KIF27: variants seen among roughly 807,000 people sequenced by gnomAD.
KIF27 encodes the protein kinesin-like protein KIF27.
Under a neutral mutation model 141.8 loss-of-function variants are expected in KIF27, and 84 were observed. The ratio of observed to expected loss-of-function variants is 0.59; its 90% CI spans 0.50 to 0.71. KIF27 has a LOEUF of 0.71. KIF27 is among the 30% of genes least tolerant of loss of function. KIF27 has a pLI of 0.00. For missense variants in KIF27, 1,306 were observed against 1,628.4 expected (o/e 0.80, Z 3.41); for synonymous variants, 471 against 569.5 (o/e 0.83, Z 2.46).
chr9:83,894,303 A>G (rs1201216150), intron 5 of KIF27, among the ~76,000 whole-genome samples: 1 of 152,236 alleles, frequency 6.6e-6, no homozygotes, highest in Non-Finnish European at 1.5e-5. Flanking sequence ...AATATAGGAC[A>G]AACTTACTGA....
At chr9:83,898,642 T>G (rs1303966723) in intron 5 of KIF27, 3 of 152,214 alleles carry the variant, frequency 2.0e-5, no homozygotes, top group Non-Finnish European at 4.4e-5. Context: ...TACTTTAGTT[T>G]TATGTTTTTA....
At position 83,891,314 on chromosome 9, in the gene KIF27, G is replaced by A. The variant is rs2132372390; in HGVS notation, c.1790C>T (p.Ser597Leu). The change falls in exon 6 of 18, where the codon TCA becomes TTA. Residue 597 changes from serine to leucine, a missense_variant. Coordinates refer to ENST00000297814, the MANE Select transcript of KIF27 (RefSeq NM_017576.4). ...THLGHYIYIP[S>L]RQDSRKVHTS... ...CTTTACCTTCCTGGAATCTTGTCTT[G>A]ATGGGATATAAATATAATGCCCCAA... 1 of 1,612,052 alleles carries A rather than the reference G, an allele frequency of 6.2e-7. No individual in the cohort carries two copies. The highest frequency in any genetic ancestry group is 1.1e-5 in the South Asian group (1 of 90,372).
At chr9:83,904,302 T>C (rs767437190) in intron 3 of KIF27, among the ~76,000 whole-genome samples, 2 of 152,252 alleles carry the variant, frequency 1.3e-5, no homozygotes, top group Non-Finnish European at 2.9e-5. Flanking sequence ...TCACACTCAA[T>C]TCCTTAAAAT....
intron 17 of KIF27, among the ~76,000 whole-genome samples, chr9:83,841,549 G>A (rs537557814): frequency 5.9e-5 from 9 of 152,062 alleles, no homozygotes; most frequent in South Asian, 4.2e-4. Context: ...TTAAATTATC[G>A]AAGTTATTAG....
chr9:83,903,581 C>A lies in KIF27; in HGVS notation c.937G>T (p.Val313Phe), dbSNP rs147859809. 1 of 1,613,994 alleles carries A rather than the reference C, an allele frequency of 6.2e-7. No homozygotes were observed. The highest frequency in any genetic ancestry group is 1.3e-5 in the African/African-American group (1 of 74,880). Residue 313 changes from valine (V) to phenylalanine (F), a missense_variant, in exon 4 of 18, where the codon GTC (valine) becomes TTC (phenylalanine). Coordinates refer to ENST00000297814, the MANE Select transcript of KIF27 (RefSeq NM_017576.4). ...KDSLGGSAKT[V>F]MITCVSPSSS... ...GAGGGGCTGACACATGTGATCATGA[C>A]AGTCTTAGCACTGCCTCCCAGAGAA...
Position 83,870,524 on chromosome 9 carries a change from G to C in KIF27, c.2752C>G (p.Leu918Val), listed in dbSNP as rs1304226749. ...RKGSFGSIDH[L>V]QKLDEQKKWL... ...ACTAAATAGAATTGACAAACCTGGAGATGGTCTATACTTCCAAACGAACCT... is the reference window on the plus strand; with the variant it reads ...ACTAAATAGAATTGACAAACCTGGACATGGTCTATACTTCCAAACGAACCT... The change falls in exon 12 of 18, where the codon CTC (leucine) becomes GTC (valine). Residue 918 changes from leucine to valine, a missense_variant. By Grantham distance (32) the Leu-to-Val change is conservative. Coordinates refer to ENST00000297814, the MANE Select transcript of KIF27 (RefSeq NM_017576.4). 10 of 1,613,616 alleles carry C rather than the reference G, an allele frequency of 6.2e-6. No individual in the cohort carries two copies. The highest frequency in any genetic ancestry group is 8.5e-6 in the Non-Finnish European group (10 of 1,179,774).
At chr9:83,874,442 C>A (rs772695949) in intron 11 of KIF27, among the ~76,000 whole-genome samples, 3 of 152,100 alleles carry the variant, frequency 2.0e-5, no homozygotes, top group African/African-American at 7.2e-5. Context: ...AGAAAAGAGA[C>A]AGGAGTCTCA....
In KIF27 at chr9:83,903,518, A is replaced by G. The variant is rs144003628; in HGVS notation, c.1000T>C (p.Tyr334His). Residue 334 changes from tyrosine to histidine, a missense_variant, in exon 4 of 18, where the codon TAT (tyrosine) becomes CAT (histidine). Around this residue, in one of 4 missense-constraint regions of KIF27, gnomAD observed 533 missense variants for 565.6 expected, o/e 0.94. Transcript: ENST00000297814. ...NFDESLNSLKYANRARNIRNK... is the reference protein window; with the variant it reads ...NFDESLNSLKHANRARNIRNK... Reference sequence around the variant, plus strand: ...CTAATGTTCCGTGCTCTGTTGGCATATTTGAGAGAATTTAAGGACTCATCA... The same window carrying G: ...CTAATGTTCCGTGCTCTGTTGGCATGTTTGAGAGAATTTAAGGACTCATCA... 1 of 1,613,954 alleles carries G rather than the reference A, an allele frequency of 6.2e-7. No homozygotes were observed. The highest frequency in any genetic ancestry group is 8.5e-7 in the Non-Finnish European group (1 of 1,180,002).
chr9:83,869,983 A>G (rs892268480), intron 12 of KIF27, among the ~76,000 whole-genome samples: 28 of 152,220 alleles, frequency 1.8e-4, no homozygotes, highest in African/African-American at 6.3e-4. Context: ...CACACAATAT[A>G]CCCATGTAAC....
chr9:83,870,445 G>A (rs1283143924), intron 12 of KIF27, 74 bp downstream of exon 12: 141 of 1,580,030 alleles, frequency 8.9e-5, no homozygotes, highest in Non-Finnish European at 1.2e-4. Flanking sequence ...AGGATTACAG[G>A]TGTGAGTTTA....
At chr9:83,916,113 C>T (rs1218835009) in intron 1 of KIF27, among the ~76,000 whole-genome samples, 2 of 149,190 alleles carry the variant, frequency 1.3e-5, no homozygotes, top group Non-Finnish European at 3.0e-5. Context: ...CTCTCTGCAA[C>T]CTCTGCCTAC....
At chr9:83,848,247 CAGATATGATATATA>C (rs1947902586) in intron 16 of KIF27, among the ~76,000 whole-genome samples, 1 of 85,996 alleles carries the variant, frequency 1.2e-5, no homozygotes, top group African/African-American at 4.7e-5. Context: ...TATGATATAT[CAGATATGATATATA>C]TGATATATCA....
intron 13 of KIF27, among the ~76,000 whole-genome samples, chr9:83,860,508 TTATTA>T (rs1344298983): frequency 6.6e-6 from 1 of 152,218 alleles, no homozygotes; most frequent in Non-Finnish European, 1.5e-5. Context: ...TTCATTTTCA[TTATTA>T]TAACTTTGTT....
rs1289044528 is a variant in KIF27, at chr9:83,848,155, C to CATATATGAT, written c.3556+1935_3556+1943dup. On this transcript the variant is annotated intron_variant, in intron 16 of 17. Coordinates refer to ENST00000297814, the MANE Select transcript of KIF27 (RefSeq NM_017576.4). ...CTCATATATGATATATCTGATATAT[C>CATATATGAT]ATATATGATATATCTGATATATCAT... Among the ~76,000 whole-genome samples the CATATATGAT allele has an allele frequency of 8.8e-5, 4 of 45,702 alleles. 1 individual carries two copies. The highest frequency in any genetic ancestry group is 1.9e-4 in the Admixed American group (1 of 5,246). 30.0% of individuals were successfully genotyped at this position (45,702 alleles called of 152,430 possible).
In KIF27 at chr9:83,905,871, G is replaced by C. The variant is rs535827968; in HGVS notation, c.500-1853C>G. On this transcript the variant is annotated intron_variant, in intron 3 of 17. Transcript: ENST00000297814. ...AGCATGGACATCACTGCTTCACACA[G>C]AGATTCTAAAGAAATATGTCAAACA... is the stretch of plus-strand genomic sequence containing the variant. Among the ~76,000 whole-genome samples the C allele has an allele frequency of 6.6e-5, 10 of 152,344 alleles. No individual in the cohort carries two copies. In the South Asian group the frequency reaches 2.1e-3, roughly 32 times the overall value.
intron 1 of KIF27, among the ~76,000 whole-genome samples, chr9:83,920,532 T>C (rs187037965): frequency 6.6e-6 from 1 of 152,320 alleles, no homozygotes; most frequent in East Asian, 1.9e-4. Flanking sequence ...CCCGTACCCT[T>C]GATTTCCCAG....
At chr9:83,916,662 CTTTTT>C (rs34391682) in intron 1 of KIF27, among the ~76,000 whole-genome samples, 3 of 123,030 alleles carry the variant, frequency 2.4e-5, no homozygotes, top group Admixed American at 8.1e-5. Flanking sequence ...ACAATGAACA[CTTTTT>C]TTTTTTTTTT....
At chr9:83,884,968 C>G (rs570278466) in intron 9 of KIF27, among the ~76,000 whole-genome samples, 1 of 152,052 alleles carries the variant, frequency 6.6e-6, no homozygotes, top group Admixed American at 6.6e-5. Context: ...CAGCTAGTGA[C>G]CCTAAAAGCT....
At chr9:83,841,263 G>A (rs1946526403) in intron 17 of KIF27, among the ~76,000 whole-genome samples, 1 of 152,068 alleles carries the variant, frequency 6.6e-6, no homozygotes, top group Admixed American at 6.5e-5. Context: ...TAGAGACGGG[G>A]TTTCACCATG....
Sources: allele counts gnomAD v4.1 joint callset (sites outside exome capture counted in the v4.1 genomes callset), GRCh38; gene constraint gnomAD v4.1.1; regional missense constraint gnomAD v4.1.1; transcripts MANE v1.5; gene names NCBI Gene and HGNC (gene_info 2026-07-23, HGNC 2026-07-21).